EFNA5: variants seen among roughly 807,000 people sequenced by gnomAD.
EFNA5 encodes ephrin-A5.
Under a neutral mutation model 22.9 loss-of-function variants are expected in EFNA5, and 5 were observed. The ratio of observed to expected loss-of-function variants is 0.22; its 90% CI spans 0.11 to 0.46. The LOEUF is 0.46. Among genes scored for constraint, EFNA5 ranks in the 20% least tolerant of loss-of-function variants. EFNA5 has a pLI of 0.99. For missense variants in EFNA5, 237 were observed against 293.3 expected, an observed-to-expected ratio of 0.81 and a Z score of 1.40; for synonymous variants, 113 against 112.2, an observed-to-expected ratio of 1.01 and a Z score of -0.04.
chr5:107,406,588 TA>T (rs1288226229), intron 2 of EFNA5, among the ~76,000 whole-genome samples: 5 of 151,858 alleles, frequency 3.3e-5, no homozygotes, highest in African/African-American at 1.2e-4. Context: ...AAGTATGTTT[TA>T]TATATATATA....
At chr5:107,489,035 G>A (rs779945312) in intron 1 of EFNA5, among the ~76,000 whole-genome samples, 1 of 152,034 alleles carries the variant, frequency 6.6e-6, no homozygotes, top group Admixed American at 6.6e-5. Context: ...CTGTACCTGA[G>A]GGATTCAGTG....
intron 1 of EFNA5, among the ~76,000 whole-genome samples, chr5:107,515,052 A>G (rs1185966419): frequency 1.3e-5 from 2 of 152,202 alleles, no homozygotes; most frequent in African/African-American, 4.8e-5. Context: ...TCTGCCAGCC[A>G]CGTGTACTGT....
At chr5:107,511,214 CAG>C (rs1747364888) in intron 1 of EFNA5, among the ~76,000 whole-genome samples, 2 of 152,046 alleles carry the variant, frequency 1.3e-5, no homozygotes, top group African/African-American at 4.8e-5. Flanking sequence ...TTAGTAGAGA[CAG>C]GGTTTCACCA....
chr5:107,482,642 C>A (rs26244), intron 1 of EFNA5, among the ~76,000 whole-genome samples: 1 of 151,848 alleles, frequency 6.6e-6, no homozygotes, highest in South Asian at 2.1e-4. Context: ...ATATCATTTG[C>A]GCAATGTAGC....
intron 1 of EFNA5, among the ~76,000 whole-genome samples, chr5:107,611,334 C>T (rs763197935): frequency 6.6e-6 from 1 of 152,120 alleles, no homozygotes; most frequent in Non-Finnish European, 1.5e-5. Context: ...ATATTTTAAC[C>T]TACAATGAAG....
intron 1 of EFNA5, among the ~76,000 whole-genome samples, chr5:107,511,802 T>TA (rs11442725): frequency 0.61 from 91,842 of 151,436 alleles, 29,546 homozygotes; most frequent in African/African-American, 0.81. Flanking sequence ...TTACTTTTCT[T>TA]AAAAAAAACC....
rs1188043230 is a variant in EFNA5, at chr5:107,520,602, C to T, written c.126-93093G>A. ...GCAAGGGGGAGCTCCTAGTGGAGTTCAGTTTATTTAAAAACATAAATGTTT... is the reference window on the plus strand; with the variant it reads ...GCAAGGGGGAGCTCCTAGTGGAGTTTAGTTTATTTAAAAACATAAATGTTT... On this transcript the variant is annotated intron_variant, in intron 1 of 4. Coordinates refer to ENST00000333274, the MANE Select transcript of EFNA5 (RefSeq NM_001962.3). 2.0e-5 allele frequency among the ~76,000 whole-genome samples: 3 copies of T among 152,218 alleles called. No individual in the cohort carries two copies. In the East Asian group the frequency reaches 5.8e-4, roughly 29 times the overall value.
chr5:107,475,800 C>G (rs573449846), intron 1 of EFNA5, among the ~76,000 whole-genome samples: 1 of 151,562 alleles, frequency 6.6e-6, no homozygotes, highest in African/African-American at 2.4e-5. Context: ...TGTTGTTCTA[C>G]CTGAGATGAC....
chr5:107,645,179 G>C (rs1341146270), intron 1 of EFNA5, among the ~76,000 whole-genome samples: 1 of 152,118 alleles, frequency 6.6e-6, no homozygotes, highest in East Asian at 1.9e-4. Context: ...AATGTCTTCA[G>C]CTATCCAGAC....
At chr5:107,482,619 G>C (rs1750498976) in intron 1 of EFNA5, among the ~76,000 whole-genome samples, 1 of 152,038 alleles carries the variant, frequency 6.6e-6, no homozygotes. Flanking sequence ...GAATTCCTCT[G>C]GGCCTTGTCG....
chr5:107,448,831 CAATAAATAAATA>C (rs57639319), intron 1 of EFNA5, among the ~76,000 whole-genome samples: 48 of 128,126 alleles, frequency 3.7e-4, no homozygotes, highest in South Asian at 2.2e-3. Context: ...CTCTGTCTCA[CAATAAATAAATA>C]AATAAATAAA....
At position 107,377,799 on chromosome 5, in the gene EFNA5, A is replaced by T. The variant is rs1029150827; in HGVS notation, c.*3456T>A. 4 of 152,262 alleles carry T rather than the reference A, an allele frequency of 2.6e-5. No homozygotes were observed. The highest frequency in any genetic ancestry group is 9.6e-5 in the African/African-American group (4 of 41,470). The allele number at this position is 152,262 out of a possible 1,614,324, so 9.4% of individuals were successfully genotyped here. ...AAAACCAAACCAAACCAAAGTACAG[A>T]ACTGTTTCTAAATTCCCTATCCTTT... On this transcript the variant is annotated 3_prime_UTR_variant, in exon 5 of 5. Coordinates refer to ENST00000333274, the MANE Select transcript of EFNA5 (RefSeq NM_001962.3).
At chr5:107,543,649 A>G (rs1748090950) in intron 1 of EFNA5, among the ~76,000 whole-genome samples, 1 of 152,214 alleles carries the variant, frequency 6.6e-6, no homozygotes, top group Non-Finnish European at 1.5e-5. Flanking sequence ...ACAGCAGACT[A>G]AAAGAAAGGA....
intron 2 of EFNA5, among the ~76,000 whole-genome samples, chr5:107,422,728 C>T (rs1292913584): frequency 6.6e-6 from 1 of 152,094 alleles, no homozygotes; most frequent in Non-Finnish European, 1.5e-5. Flanking sequence ...ACCTTGCTGG[C>T]CAGGTTAGAG....
At chr5:107,643,345 T>A (rs1387229622) in intron 1 of EFNA5, among the ~76,000 whole-genome samples, 1 of 152,136 alleles carries the variant, frequency 6.6e-6, no homozygotes, top group East Asian at 1.9e-4. Flanking sequence ...GATTTGTGGG[T>A]TGTGAGTCAA....
At chr5:107,619,646 C>T (rs575064778) in intron 1 of EFNA5, among the ~76,000 whole-genome samples, 1 of 151,486 alleles carries the variant, frequency 6.6e-6, no homozygotes, top group Non-Finnish European at 1.5e-5. Context: ...TATTTTTTAG[C>T]AGAGACGGGG....
chr5:107,482,989 A>T (rs1023960197), intron 1 of EFNA5, among the ~76,000 whole-genome samples: 1 of 151,928 alleles, frequency 6.6e-6, no homozygotes, highest in Non-Finnish European at 1.5e-5. Flanking sequence ...TATTTCACGC[A>T]CTGGTGCCAA....
intron 1 of EFNA5, among the ~76,000 whole-genome samples, chr5:107,601,154 G>A (rs1749584582): frequency 6.6e-6 from 1 of 152,158 alleles, no homozygotes. Context: ...CATAGGAAAA[G>A]CATTCATAAC....
chr5:107,415,561 G>A (rs1748482845), intron 2 of EFNA5, among the ~76,000 whole-genome samples: 1 of 152,168 alleles, frequency 6.6e-6, no homozygotes, highest in African/African-American at 2.4e-5. Context: ...GAGGGCTGCT[G>A]GGTGGGCTCC....
Sources: gnomAD v4.1 joint callset for allele counts (sites outside exome capture counted in the v4.1 genomes callset) on GRCh38, gnomAD v4.1.1 for gene constraint, MANE v1.5 for transcripts, NCBI Gene and HGNC (gene_info 2026-07-23, HGNC 2026-07-21) for gene names.